STAMBPL1: variants seen among roughly 807,000 people sequenced by gnomAD.
The protein encoded by STAMBPL1 is STAM binding protein like 1, also known as AMSH-like protease.
Under a neutral mutation model 52.9 loss-of-function variants are expected in STAMBPL1, and 44 were observed. The ratio of observed to expected loss-of-function variants is 0.83; its 90% CI spans 0.65 to 1.07. STAMBPL1 has a LOEUF of 1.07. Ranked by LOEUF, STAMBPL1 falls within the 50% of genes least tolerant of loss-of-function variation. STAMBPL1 has a pLI of 0.00. For synonymous variants in STAMBPL1, 164 were observed against 177.3 expected (o/e 0.92, Z 0.60); for missense variants, 511 against 520.8 (o/e 0.98, Z 0.18).
intron 1 of STAMBPL1, 44 bp from the exon 2 acceptor site, chr10:88,901,612 G>C (rs1844944537): frequency 7.6e-7 from 1 of 1,320,496 alleles, no homozygotes; most frequent in African/African-American, 1.5e-5. Flanking sequence ...TCAAACTTGG[G>C]TCTCAAAAAA....
chr10:88,914,486 G>T lies in STAMBPL1; in HGVS notation c.779-48G>T, dbSNP rs76371936. 7.2e-6 allele frequency: 10 copies of T among 1,381,722 alleles called. No individual in the cohort carries two copies. In the Admixed American group the frequency reaches 1.3e-4, roughly 18 times the overall value. 85.6% of individuals were successfully genotyped at this position (1,381,722 alleles called of 1,614,324 possible). Reference sequence around the variant, plus strand: ...TTGCCAATAACAATTTTGAAAGATGGGACATATAGTTTGTTTTTTAGCCTT... The same window carrying T: ...TTGCCAATAACAATTTTGAAAGATGTGACATATAGTTTGTTTTTTAGCCTT... On this transcript the variant is annotated intron_variant, in intron 6 of 10. Transcript: ENST00000371926.
chr10:88,923,354 T>C lies in STAMBPL1; in HGVS notation c.*130T>C. The C allele has an allele frequency of 5.7e-6, 8 of 1,398,396 alleles. No homozygotes were observed. Among genetic ancestry groups the C allele is most frequent in the South Asian group, 1.7e-5 (1 of 57,556 alleles). The allele number at this position is 1,398,396 out of a possible 1,614,324, so 86.6% of individuals were successfully genotyped here. On this transcript the variant is annotated 3_prime_UTR_variant, in exon 11 of 11. Coordinates refer to ENST00000371926, the MANE Select transcript of STAMBPL1 (RefSeq NM_020799.4). ...ATACATTTTAGATGACAAAGCTTGA[T>C]ATTTATTGCTGTTGCACATTTTAAA...
At chr10:88,894,299 T>C (rs542075880) in intron 1 of STAMBPL1, among the ~76,000 whole-genome samples, 5 of 152,276 alleles carry the variant, frequency 3.3e-5, no homozygotes, top group African/African-American at 9.6e-5. Context: ...ACTGAGATCA[T>C]GTGTGTTCAT....
chr10:88,918,058 C>G (rs777036325), intron 8 of STAMBPL1, among the ~76,000 whole-genome samples: 1 of 152,218 alleles, frequency 6.6e-6, no homozygotes, highest in Non-Finnish European at 1.5e-5. Context: ...GACCACACTT[C>G]TTAATACTGT....
intron 8 of STAMBPL1, among the ~76,000 whole-genome samples, chr10:88,920,664 TCC>T (rs1421422859): frequency 1.3e-5 from 2 of 151,806 alleles, no homozygotes; most frequent in Non-Finnish European, 2.9e-5. Context: ...TAATTTATAA[TCC>T]CCCTTTTTTT....
rs553700201 is a variant in STAMBPL1, at chr10:88,921,341, A to G, written c.1100A>G (p.Tyr367Cys). 13 of 1,613,232 alleles carry G rather than the reference A, an allele frequency of 8.1e-6. No homozygotes were observed. The highest frequency in any genetic ancestry group is 4.4e-5 in the South Asian group (4 of 91,072). ...GTTGATCTTCACACTCACTGTTCCTATCAACTCATGTTGCCAGAGGCCATT... is the reference window on the plus strand; with the variant it reads ...GTTGATCTTCACACTCACTGTTCCTGTCAACTCATGTTGCCAGAGGCCATT... Reference protein sequence around the residue: ...SSVDLHTHCSYQLMLPEAIAI... With the variant: ...SSVDLHTHCSCQLMLPEAIAI... Residue 367 changes from tyrosine (Y) to cysteine (C), a missense_variant, in exon 9 of 11, where the codon TAT becomes TGT. Transcript: ENST00000371926.
At chr10:88,885,251 A>G (rs1341116761) in intron 1 of STAMBPL1, among the ~76,000 whole-genome samples, 2 of 152,214 alleles carry the variant, frequency 1.3e-5, no homozygotes, top group Non-Finnish European at 2.9e-5. Flanking sequence ...TAGAGCAAGA[A>G]AAGTAGGGGC....
chr10:88,891,537 G>A (rs961773885), intron 1 of STAMBPL1, among the ~76,000 whole-genome samples: 2 of 152,156 alleles, frequency 1.3e-5, no homozygotes, highest in East Asian at 3.8e-4. Flanking sequence ...GAGAAAAATA[G>A]TATCGTGGAG....
chr10:88,892,666 A>G (rs1434171510), intron 1 of STAMBPL1, among the ~76,000 whole-genome samples: 3 of 152,184 alleles, frequency 2.0e-5, no homozygotes, highest in Non-Finnish European at 4.4e-5. Context: ...GTCCAGTGCA[A>G]AACCAAATGT....
intron 4 of STAMBPL1, 118 bp downstream of exon 4, chr10:88,908,895 C>A (rs1007573976): frequency 1.3e-6 from 1 of 776,548 alleles, no homozygotes; most frequent in Non-Finnish European, 2.0e-6. Flanking sequence ...GCAAGAAATT[C>A]ATTCCATTAA....
intron 1 of STAMBPL1, among the ~76,000 whole-genome samples, chr10:88,899,961 A>G (rs1042753703): frequency 1.3e-5 from 2 of 152,176 alleles, no homozygotes; most frequent in African/African-American, 4.8e-5. Flanking sequence ...CTCACTGAGA[A>G]GTATTAATTC....
intron 2 of STAMBPL1, among the ~76,000 whole-genome samples, chr10:88,904,967 A>G (rs1845035829): frequency 6.6e-6 from 1 of 152,048 alleles, no homozygotes. Flanking sequence ...TTCTTACTAA[A>G]CAACACTTAT....
intron 4 of STAMBPL1, 104 bp from the exon 5 acceptor site, chr10:88,910,812 C>G: frequency 1.4e-6 from 1 of 712,042 alleles, no homozygotes; most frequent in Admixed American, 3.5e-5. Context: ...TTACTCATGA[C>G]TTTATTTGCA....
intron 1 of STAMBPL1, among the ~76,000 whole-genome samples, chr10:88,894,349 G>A (rs1157684823): frequency 6.6e-6 from 1 of 151,036 alleles, no homozygotes; most frequent in Non-Finnish European, 1.5e-5. Flanking sequence ...TCTGCTAATG[G>A]TACCTATTGT....
Position 88,905,483 on chromosome 10 carries a change from T to TA in STAMBPL1, c.73dup (p.Ser25LysfsTer15), listed in dbSNP as rs762239714. ...ATGCCTGACCATACAGATGTTTCCC[T>TA]AAGCCCAGAAGAGCGAGTCCGTGCC... On this transcript the variant is annotated frameshift_variant, in exon 3 of 11. Coordinates refer to ENST00000371926, the MANE Select transcript of STAMBPL1 (RefSeq NM_020799.4). LOFTEE classifies it high-confidence loss of function. 1 of 1,614,126 alleles carries TA rather than the reference T, an allele frequency of 6.2e-7. No homozygotes were observed. The highest frequency in any genetic ancestry group is 2.2e-5 in the East Asian group (1 of 44,878).
intron 1 of STAMBPL1, among the ~76,000 whole-genome samples, chr10:88,885,628 C>G (rs1457020357): frequency 2.0e-5 from 3 of 152,162 alleles, no homozygotes; most frequent in African/African-American, 7.2e-5. Flanking sequence ...CAGGTATCTC[C>G]CATTGTGAGC....
At chr10:88,914,509 C>CT in intron 6 of STAMBPL1, 25 bp from the exon 7 acceptor site, 1 of 1,463,284 alleles carries the variant, frequency 6.8e-7, no homozygotes, top group South Asian at 1.5e-5. Context: ...GTTTTTTAGC[C>CT]TTTTCTCCCT....
Position 88,905,555 on chromosome 10 carries a change from C to G in STAMBPL1, c.143C>G (p.Pro48Arg). The G allele has an allele frequency of 6.2e-7, 1 of 1,614,106 alleles. No individual in the cohort carries two copies. Among genetic ancestry groups the G allele is most frequent in the Non-Finnish European group, 8.5e-7 (1 of 1,180,014 alleles). ...ATCACCATCAGTGAAGACATCACTC[C>G]ACGACGTTACTTTAGGTCTGGAGTA... ...CNITISEDIT[P>R]RRYFRSGVEM... Residue 48 changes from proline to arginine, a missense_variant, in exon 3 of 11, where the codon CCA (proline) becomes CGA (arginine). Transcript: ENST00000371926.
Position 88,923,392 on chromosome 10 carries a change from G to T in STAMBPL1, c.*168G>T, listed in dbSNP as rs1247283631. 1.4e-5 allele frequency: 19 copies of T among 1,367,902 alleles called. No individual in the cohort carries two copies. Among genetic ancestry groups the T allele is most frequent in the Non-Finnish European group, 1.8e-5 (19 of 1,067,164 alleles). 84.7% of individuals were successfully genotyped at this position (1,367,902 alleles called of 1,614,324 possible). On this transcript the variant is annotated 3_prime_UTR_variant, in exon 11 of 11. Coordinates refer to ENST00000371926, the MANE Select transcript of STAMBPL1 (RefSeq NM_020799.4). ...TGCACATTTTAAAGTTTTCTTTTTG[G>T]GTTGCTCTGTGTCAAGAGAGGTTAC...
Sources: allele counts gnomAD v4.1 joint callset (sites outside exome capture counted in the v4.1 genomes callset), GRCh38; gene constraint gnomAD v4.1.1; transcripts MANE v1.5; gene names NCBI Gene and HGNC (gene_info 2026-07-23, HGNC 2026-07-21).